The following PDZD2 variants were observed in gnomAD, a reference collection of about 807,000 sequenced individuals.
The protein encoded by PDZD2 is PDZ domain-containing protein 2.
In PDZD2, 90 loss-of-function variants were observed where a neutral mutation model predicts 220.7. The observed-to-expected ratio is 0.41, with a 90% confidence interval of 0.34 to 0.49. PDZD2 has a LOEUF of 0.49. PDZD2 is among the 20% of genes least tolerant of loss of function. The probability of loss-of-function intolerance (pLI) is 0.28; values close to 1 mark genes in which losing one functional copy is unlikely to be tolerated. For missense variants in PDZD2, 3,174 were observed against 3,608.5 expected (o/e 0.88, Z 3.08); for synonymous variants, 1,375 against 1,450.5 (o/e 0.95, Z 1.18).
intron 1 of PDZD2, among the ~76,000 whole-genome samples, chr5:31,757,396 C>A (rs527260708): frequency 1.8e-4 from 28 of 152,242 alleles, no homozygotes; most frequent in African/African-American, 6.0e-4. Context: ...TCAAGACCAT[C>A]CTGGCTAACA....
At chr5:31,968,047 A>G (rs1387376563) in intron 2 of PDZD2, among the ~76,000 whole-genome samples, 1 of 152,174 alleles carries the variant, frequency 6.6e-6, no homozygotes, top group Non-Finnish European at 1.5e-5. Context: ...TTGAAATCTA[A>G]TCCCCCATGC....
intron 2 of PDZD2, among the ~76,000 whole-genome samples, chr5:31,833,549 G>A (rs924986321): frequency 2.0e-5 from 3 of 150,732 alleles, no homozygotes; most frequent in Admixed American, 6.6e-5. Context: ...CTCCCAAAGT[G>A]CTGGGATTAC....
chr5:31,801,820 C>T (rs949044246), intron 2 of PDZD2, among the ~76,000 whole-genome samples: 7 of 152,126 alleles, frequency 4.6e-5, no homozygotes, highest in African/African-American at 1.7e-4. Flanking sequence ...GTATTAATAT[C>T]ATCATTACTA....
intron 2 of PDZD2, among the ~76,000 whole-genome samples, chr5:31,842,404 G>C (rs900860293): frequency 3.3e-5 from 5 of 152,138 alleles, no homozygotes; most frequent in African/African-American, 1.2e-4. Flanking sequence ...AGGCCTCCTG[G>C]CTCCACGGCT....
chr5:31,769,112 G>A (rs757797324), intron 1 of PDZD2, among the ~76,000 whole-genome samples: 17 of 152,218 alleles, frequency 1.1e-4, no homozygotes, highest in Admixed American at 2.0e-4. Flanking sequence ...CTGCATTGCC[G>A]AGGGCAGATG....
intron 2 of PDZD2, among the ~76,000 whole-genome samples, chr5:31,941,277 C>T (rs1383077134): frequency 6.6e-6 from 1 of 152,182 alleles, no homozygotes; most frequent in African/African-American, 2.4e-5. Flanking sequence ...ATTCCACCTT[C>T]GCCATGAGTT....
rs367954463 is a variant in PDZD2 at position 31,679,019 on chromosome 5, C to T, written c.-361+39582C>T. On this transcript the variant is annotated intron_variant, in intron 1 of 24. Transcript: ENST00000438447. Reference sequence around the variant, plus strand: ...ACTACTTTTTTTCTTTTAGACACTTCGTGATGTCAAAAAAATTTTCCCTGC... The same window carrying T: ...ACTACTTTTTTTCTTTTAGACACTTTGTGATGTCAAAAAAATTTTCCCTGC... Among the ~76,000 whole-genome samples, 24 of 152,232 alleles carry T rather than the reference C, an allele frequency of 1.6e-4. No individual in the cohort carries two copies. The East Asian group carries it at 3.7e-3, about 23-fold the overall frequency.
chr5:31,905,135 A>AT (rs1308623830), intron 2 of PDZD2, among the ~76,000 whole-genome samples: 1 of 151,798 alleles, frequency 6.6e-6, no homozygotes, highest in Non-Finnish European at 1.5e-5. Context: ...CGCCCGGCTA[A>AT]TTTTTTGTAT....
At chr5:31,798,716 A>G (rs1754195648) in intron 1 of PDZD2, among the ~76,000 whole-genome samples, 173 bp from the exon 2 acceptor site, 1 of 152,196 alleles carries the variant, frequency 6.6e-6, no homozygotes, top group Admixed American at 6.5e-5. Context: ...GGGAGTGTCC[A>G]TACAGCATGG....
At chr5:32,045,981 G>A (rs1307862294) in intron 7 of PDZD2, among the ~76,000 whole-genome samples, 1 of 151,958 alleles carries the variant, frequency 6.6e-6, no homozygotes, top group East Asian at 1.9e-4. Flanking sequence ...GAAATTTTAG[G>A]TAATCAGATG....
At chr5:31,929,026 G>A (rs1239119498) in intron 2 of PDZD2, among the ~76,000 whole-genome samples, 3 of 152,122 alleles carry the variant, frequency 2.0e-5, no homozygotes, top group African/African-American at 7.2e-5. Flanking sequence ...AATGAATATT[G>A]ATCCATACTT....
rs1204327744 is a variant in PDZD2 at position 31,694,827 on chromosome 5, G to C, written c.-361+55390G>C. Among the ~76,000 whole-genome samples, 4 of 144,280 alleles carry C rather than the reference G, an allele frequency of 2.8e-5. No homozygotes were observed. In the South Asian group the frequency reaches 9.2e-4, roughly 33 times the overall value. The allele number at this position is 144,280 out of a possible 152,430, so 94.7% of individuals were successfully genotyped here. ...TTTTTTGTGAAAGCAAGTTTATTAAGAAAGTAAAGGAATAGGCTGGGTGCA... is the reference window on the plus strand; with the variant it reads ...TTTTTTGTGAAAGCAAGTTTATTAACAAAGTAAAGGAATAGGCTGGGTGCA... On this transcript the variant is annotated intron_variant, in intron 1 of 24. Transcript: ENST00000438447.
chr5:31,926,989 A>G (rs1339595287), intron 2 of PDZD2, among the ~76,000 whole-genome samples: 1 of 152,248 alleles, frequency 6.6e-6, no homozygotes, highest in Non-Finnish European at 1.5e-5. Context: ...AATACCGCAT[A>G]TTATTCTCAC....
At chr5:31,813,275 C>T (rs1755230958) in intron 2 of PDZD2, among the ~76,000 whole-genome samples, 1 of 151,788 alleles carries the variant, frequency 6.6e-6, no homozygotes, top group Non-Finnish European at 1.5e-5. Flanking sequence ...ACGGTGAAAC[C>T]CCGTCTCTAC....
intron 2 of PDZD2, among the ~76,000 whole-genome samples, chr5:31,967,863 G>C (rs972173089): frequency 6.6e-6 from 1 of 152,178 alleles, no homozygotes; most frequent in Admixed American, 6.5e-5. Context: ...GCACAGGGGA[G>C]GTTTGGAAGC....
chr5:31,915,108 A>G (rs181311283), intron 2 of PDZD2, among the ~76,000 whole-genome samples: 2 of 152,264 alleles, frequency 1.3e-5, no homozygotes, highest in Non-Finnish European at 2.9e-5. Flanking sequence ...TAAACAGAGT[A>G]TGTTGGGTGT....
At chr5:31,964,882 A>T (rs891727065) in intron 2 of PDZD2, among the ~76,000 whole-genome samples, 5 of 151,648 alleles carry the variant, frequency 3.3e-5, no homozygotes, top group Admixed American at 6.6e-5. Context: ...CGCCCGGCTA[A>T]TTTTTTTGTA....
intron 2 of PDZD2, among the ~76,000 whole-genome samples, chr5:31,852,797 A>G (rs561948993): frequency 2.9e-4 from 44 of 152,236 alleles, no homozygotes; most frequent in African/African-American, 1.1e-3. Flanking sequence ...GGGTTTCACC[A>G]TGTTGGTCAG....
chr5:32,044,803 C>G (rs369743360), intron 7 of PDZD2, among the ~76,000 whole-genome samples: 4 of 152,212 alleles, frequency 2.6e-5, no homozygotes, highest in Non-Finnish European at 5.9e-5. Context: ...ACAGATCTCT[C>G]CTTTGACAAG....
Sources: gnomAD v4.1 joint callset for allele counts (sites outside exome capture counted in the v4.1 genomes callset) on GRCh38, gnomAD v4.1.1 for gene constraint, MANE v1.5 for transcripts, NCBI Gene and HGNC (gene_info 2026-07-23, HGNC 2026-07-21) for gene names.